The following CACNA2D3 variants were observed in gnomAD, a reference collection of about 807,000 sequenced individuals.
CACNA2D3 encodes calcium voltage-gated channel auxiliary subunit alpha2delta 3, also known as voltage-dependent calcium channel subunit alpha-2/delta-3.
In CACNA2D3, 60 loss-of-function variants were observed where a neutral mutation model predicts 160.6. The observed-to-expected ratio is 0.37, with a 90% CI of 0.30 to 0.46. The LOEUF (loss-of-function observed/expected upper bound fraction) is 0.46. CACNA2D3 is among the 20% of genes least tolerant of loss of function. CACNA2D3 has a pLI of 1.00. For synonymous variants in CACNA2D3, 558 were observed against 492.9 expected (o/e 1.13, Z -1.75); for missense variants, 1,205 against 1,365.0 (o/e 0.88, Z 1.85).
At chr3:54,911,544 T>A (rs1609004) in intron 27 of CACNA2D3, among the ~76,000 whole-genome samples, 101,657 of 150,870 alleles carry the variant, frequency 0.67, 35,102 homozygotes, top group African/African-American at 0.82. Context: ...TCCTCCTACC[T>A]ACAACCAATC....
intron 3 of CACNA2D3, among the ~76,000 whole-genome samples, chr3:54,332,989 A>G (rs1344481032): frequency 6.6e-6 from 1 of 152,156 alleles, no homozygotes; most frequent in Non-Finnish European, 1.5e-5. Context: ...GAAGCCAAAC[A>G]TACACCAGGT....
chr3:54,188,925 G>A (rs1242626693), intron 2 of CACNA2D3, among the ~76,000 whole-genome samples: 2 of 152,188 alleles, frequency 1.3e-5, no homozygotes, highest in African/African-American at 4.8e-5. Context: ...CAGCAACTCA[G>A]GATAATGGAT....
intron 30 of CACNA2D3, among the ~76,000 whole-genome samples, chr3:54,985,786 G>T (rs924500862): frequency 6.6e-6 from 1 of 152,074 alleles, no homozygotes; most frequent in African/African-American, 2.4e-5. Flanking sequence ...TATAAACAGG[G>T]GCTCCAGGAA....
rs901391150 is a variant in CACNA2D3 at position 54,498,798 on chromosome 3, A to G, written c.382-4694A>G. Among the ~76,000 whole-genome samples the G allele has an allele frequency of 2.0e-5, 3 of 152,068 alleles. No homozygotes were observed. In the East Asian group the frequency reaches 5.8e-4, roughly 29 times the overall value. ...TTTTCATTATGATTAATTTCAAAAT[A>G]TTTTCCAATTTCCCATGTCATTTTT... On this transcript the variant is annotated intron_variant, in intron 4 of 37. Transcript: ENST00000474759.
At chr3:54,689,631 T>A (rs1700536461) in intron 11 of CACNA2D3, among the ~76,000 whole-genome samples, 1 of 152,082 alleles carries the variant, frequency 6.6e-6, no homozygotes, top group Admixed American at 6.6e-5. Context: ...ATCAGCAGCT[T>A]GAAGTCATCC....
chr3:54,814,306 C>G (rs1195583222), intron 13 of CACNA2D3, among the ~76,000 whole-genome samples: 1 of 152,240 alleles, frequency 6.6e-6, no homozygotes, highest in Non-Finnish European at 1.5e-5. Context: ...CCTGGCCTTT[C>G]CCCAGCCCTC....
At chr3:54,330,210 A>ATGTGTGTGTG (rs10591706) in intron 3 of CACNA2D3, among the ~76,000 whole-genome samples, 1 of 146,596 alleles carries the variant, frequency 6.8e-6, no homozygotes. Flanking sequence ...TTTAATTGAT[A>ATGTGTGTGTG]TGTGTGTGTG....
At chr3:54,644,300 C>G (rs1699589363) in intron 11 of CACNA2D3, among the ~76,000 whole-genome samples, 1 of 152,016 alleles carries the variant, frequency 6.6e-6, no homozygotes, top group African/African-American at 2.4e-5. Context: ...CAAGTATTAT[C>G]AAGCAGAAGT....
intron 3 of CACNA2D3, among the ~76,000 whole-genome samples, chr3:54,383,497 T>A (rs985201776): frequency 6.6e-6 from 1 of 152,230 alleles, no homozygotes. Flanking sequence ...GCTGGTTGAT[T>A]GTCATTTCTT....
At chr3:54,304,537 TGAG>T (rs1703553930) in intron 2 of CACNA2D3, among the ~76,000 whole-genome samples, 1 of 152,226 alleles carries the variant, frequency 6.6e-6, no homozygotes, top group East Asian at 1.9e-4. Flanking sequence ...AGATATAAAT[TGAG>T]GAGTAAACTG....
intron 5 of CACNA2D3, among the ~76,000 whole-genome samples, chr3:54,544,598 A>G (rs774352877): frequency 9.9e-5 from 15 of 152,010 alleles, no homozygotes; most frequent in Non-Finnish European, 1.5e-4. Context: ...GGGTCTCACT[A>G]TATTGCCCAG....
intron 2 of CACNA2D3, among the ~76,000 whole-genome samples, chr3:54,193,237 G>C (rs1490790309): frequency 6.6e-6 from 1 of 152,140 alleles, no homozygotes; most frequent in Non-Finnish European, 1.5e-5. Flanking sequence ...CTATTCCTTA[G>C]AGTCCATGGC....
chr3:54,989,656 G>A (rs1219250193), intron 31 of CACNA2D3, among the ~76,000 whole-genome samples: 1 of 152,168 alleles, frequency 6.6e-6, no homozygotes, highest in Non-Finnish European at 1.5e-5. Context: ...ACTTCCAAGG[G>A]TTGCTGTCAG....
At chr3:54,466,720 T>C (rs1700634156) in intron 4 of CACNA2D3, among the ~76,000 whole-genome samples, 1 of 152,236 alleles carries the variant, frequency 6.6e-6, no homozygotes, top group South Asian at 2.1e-4. Context: ...AATCTCATTA[T>C]AATGTTGTGA....
intron 5 of CACNA2D3, among the ~76,000 whole-genome samples, chr3:54,528,722 A>G (rs1236287138): frequency 2.6e-5 from 4 of 152,178 alleles, no homozygotes; most frequent in Admixed American, 6.5e-5. Context: ...TTGTGAGATT[A>G]TCAAGCAGCT....
chr3:54,175,017 C>A (rs1047655920), intron 2 of CACNA2D3, among the ~76,000 whole-genome samples: 1 of 152,098 alleles, frequency 6.6e-6, no homozygotes, highest in African/African-American at 2.4e-5. Context: ...AAGTGAGGCA[C>A]GGCCAGCTCC....
chr3:55,052,683 T>C (rs548050581), intron 35 of CACNA2D3, among the ~76,000 whole-genome samples: 24 of 152,262 alleles, frequency 1.6e-4, no homozygotes, highest in African/African-American at 5.8e-4. Flanking sequence ...GATACATGCA[T>C]ATTTAGGATT....
chr3:54,191,285 T>C (rs140221805), intron 2 of CACNA2D3, among the ~76,000 whole-genome samples: 3 of 152,152 alleles, frequency 2.0e-5, no homozygotes, highest in African/African-American at 7.2e-5. Flanking sequence ...ACATGTAATC[T>C]TCAGTGGTTT....
At chr3:55,022,692 G>A (rs1360269203) in intron 35 of CACNA2D3, among the ~76,000 whole-genome samples, 1 of 125,516 alleles carries the variant, frequency 8.0e-6, no homozygotes, top group Non-Finnish European at 1.6e-5. Context: ...CCATTGGATT[G>A]ATTGGGTTTT....
Sources: gnomAD v4.1 joint callset for allele counts (sites outside exome capture counted in the v4.1 genomes callset) on GRCh38, gnomAD v4.1.1 for gene constraint, MANE v1.5 for transcripts, NCBI Gene and HGNC (gene_info 2026-07-23, HGNC 2026-07-21) for gene names.